Variants in TMEM168 observed in about 807,000 individuals in gnomAD.
TMEM168 encodes the protein transmembrane protein 168.
Under a neutral mutation model 53.2 loss-of-function variants are expected in TMEM168, and 40 were observed. The ratio of observed to expected loss-of-function variants is 0.75; its 90% CI spans 0.58 to 0.98. The LOEUF (loss-of-function observed/expected upper bound fraction) is 0.98. Ranked by LOEUF, TMEM168 falls within the 50% of genes least tolerant of loss-of-function variation. The pLI, the probability that TMEM168 is intolerant of heterozygous loss-of-function variation, is 0.00. For missense variants in TMEM168, 771 were observed against 828.8 expected (o/e 0.93, Z 0.86); for synonymous variants, 282 against 293.0 (o/e 0.96, Z 0.38).
At chr7:112,790,076 G>C (rs1793506112) in intron 1 of TMEM168, 84 bp downstream of exon 1, 1 of 152,298 alleles carries the variant, frequency 6.6e-6, no homozygotes, top group East Asian at 1.9e-4. Flanking sequence ...CGACTGGGCG[G>C]AGCTTGGGGT....
Position 112,784,747 on chromosome 7 carries a change from C to G in TMEM168, c.79G>C (p.Val27Leu), listed in dbSNP as rs1404777067. 3 of 1,612,070 alleles carry G rather than the reference C, an allele frequency of 1.9e-6. No individual in the cohort carries two copies. The African/African-American group carries it at 4.0e-5, about 22-fold the overall frequency. ...MTRLEEVNRE[V>L]NMHSSVRYLG... is the part of the protein sequence containing the mutation. ...TACCGCACTGAAGAATGCATGTTCA[C>G]TTCTCTATTTACTTCTTCCAGTCTT... The change falls in exon 2 of 5, where the codon GTG (valine) becomes CTG (leucine). Residue 27 changes from valine to leucine, a missense_variant. Val to Leu is a conservative substitution (Grantham distance 32). Transcript: ENST00000312814.
chr7:112,786,894 TAG>T (rs767988308), intron 1 of TMEM168, among the ~76,000 whole-genome samples: 1 of 152,130 alleles, frequency 6.6e-6, no homozygotes, highest in Non-Finnish European at 1.5e-5. Flanking sequence ...CTCTGCCTCC[TAG>T]AGAGTCATCA....
rs558258189 is a variant in TMEM168, at chr7:112,765,692, T to C, written c.*1505A>G. ...TAATGACTACCACTTTTAATAAATA[T>C]ACTAAAATATTCAATATTTGCACAT... On this transcript the variant is annotated 3_prime_UTR_variant, in exon 5 of 5. Transcript: ENST00000312814. 4 of 152,620 alleles carry C rather than the reference T, an allele frequency of 2.6e-5. No individual in the cohort carries two copies. The South Asian group carries it at 6.2e-4, about 24-fold the overall frequency. The allele number at this position is 152,620 out of a possible 1,614,324, so 9.5% of individuals were successfully genotyped here.
chr7:112,776,470 A>G (rs999094681), intron 2 of TMEM168, among the ~76,000 whole-genome samples: 2 of 152,112 alleles, frequency 1.3e-5, no homozygotes, highest in East Asian at 3.8e-4. Flanking sequence ...GTGCATGAAC[A>G]CATACTTTTA....
intron 4 of TMEM168, among the ~76,000 whole-genome samples, chr7:112,769,526 T>A (rs929706010): frequency 6.9e-6 from 1 of 144,270 alleles, no homozygotes. Context: ...TCTACCCTAA[T>A]TCTCTTATAT....
Position 112,784,829 on chromosome 7 carries a change from AC to A in TMEM168, c.-5del. The A allele has an allele frequency of 1.3e-6, 2 of 1,556,874 alleles. No homozygotes were observed. The highest frequency in any genetic ancestry group is 1.2e-5 in the South Asian group (1 of 81,086). ...AATAACGCAGTGATTTACACATGTA[AC>A]CAGCAATGTGGGCTTTTCCCTCACG... On this transcript the variant is annotated 5_prime_UTR_variant, in exon 2 of 5. Coordinates refer to ENST00000312814, the MANE Select transcript of TMEM168 (RefSeq NM_022484.6).
At chr7:112,785,512 A>G (rs2116306531) in intron 1 of TMEM168, among the ~76,000 whole-genome samples, 1 of 152,330 alleles carries the variant, frequency 6.6e-6, no homozygotes, top group Admixed American at 6.5e-5. Flanking sequence ...TATTAAAGTT[A>G]CTCAGTCCCT....
Position 112,784,508 on chromosome 7 carries a change from T to C in TMEM168, c.318A>G (p.Leu106=), listed in dbSNP as rs371047973. The C allele has an allele frequency of 4.0e-5, 65 of 1,614,076 alleles. No homozygotes were observed. The highest frequency in any genetic ancestry group is 5.3e-5 in the Non-Finnish European group (63 of 1,179,976). ...TAAAGGATGAATTATCAAGAAAACATAGGAGGCCAAGCAAGAATCCAAACC... is the reference window on the plus strand; with the variant it reads ...TAAAGGATGAATTATCAAGAAAACACAGGAGGCCAAGCAAGAATCCAAACC... The part of the protein sequence containing the change: ...NLWFGFLLGL[L]CFLDNSSFKN... Residue 106 remains leucine (L), a synonymous_variant, in exon 2 of 5, where the codon CTA becomes CTG. Transcript: ENST00000312814.
chr7:112,787,047 G>C (rs6466421), intron 1 of TMEM168, among the ~76,000 whole-genome samples: 1 of 151,908 alleles, frequency 6.6e-6, no homozygotes, highest in East Asian at 1.9e-4. Context: ...GCCTCTTCTA[G>C]AACATCAGAC....
At chr7:112,781,930 G>C (rs140848091) in intron 2 of TMEM168, among the ~76,000 whole-genome samples, 20 of 152,134 alleles carry the variant, frequency 1.3e-4, no homozygotes, top group African/African-American at 4.6e-4. Flanking sequence ...TCAAAAATTT[G>C]TATCATTCAG....
intron 1 of TMEM168, chr7:112,788,635 A>C (rs1163468188): frequency 6.6e-6 from 1 of 152,206 alleles, no homozygotes; most frequent in African/African-American, 2.4e-5. Flanking sequence ...CCAGAGGTAG[A>C]TGAAAATGGA....
At chr7:112,783,262 T>TAC (rs1399681773) in intron 2 of TMEM168, among the ~76,000 whole-genome samples, 1 of 152,216 alleles carries the variant, frequency 6.6e-6, no homozygotes, top group Non-Finnish European at 1.5e-5. Context: ...AGAAACATGT[T>TAC]ACAGTGAGGA....
chr7:112,773,091 A>T, intron 3 of TMEM168, 36 bp from the exon 4 acceptor site: 1 of 1,547,778 alleles, frequency 6.5e-7, no homozygotes, highest in Non-Finnish European at 8.8e-7. Flanking sequence ...TACTCATTCT[A>T]TATCACATTC....
chr7:112,764,181 ACT>A lies in TMEM168; in HGVS notation c.*3014_*3015del, dbSNP rs768903325. The A allele has an allele frequency of 1.3e-5, 2 of 151,628 alleles. No homozygotes were observed. Among genetic ancestry groups the A allele is most frequent in the Admixed American group, 6.6e-5 (1 of 15,234 alleles). The allele number at this position is 151,628 out of a possible 1,614,324, so 9.4% of individuals were successfully genotyped here. A position where few individuals can be genotyped will look rare whatever the true frequency, so the allele number is the denominator to read the frequency against. On this transcript the variant is annotated 3_prime_UTR_variant, in exon 5 of 5. Transcript: ENST00000312814. ...GGTTAAAAAAAGAAAATAAATTCATACTGTTTTTTTTATTCTATTGAAAAAAA... is the reference window on the plus strand; with the variant it reads ...GGTTAAAAAAAGAAAATAAATTCATAGTTTTTTTTATTCTATTGAAAAAAA...
Position 112,767,179 on chromosome 7 carries a change from C to T in TMEM168, c.*18G>A. On this transcript the variant is annotated 3_prime_UTR_variant, in exon 5 of 5. Transcript: ENST00000312814. The stretch of plus-strand genomic sequence containing the variant: ...TGGTAGTATGAGTGCTTATTAATAT[C>T]CCGCTTTGGGGTCCAAATTAAGATT... The T allele has an allele frequency of 4.4e-6, 7 of 1,591,024 alleles. 1 individual carries two copies. In the South Asian group the frequency reaches 8.0e-5, roughly 18 times the overall value.
chr7:112,775,113 T>C (rs1308439965), intron 3 of TMEM168, 63 bp downstream of exon 3: 6 of 1,355,916 alleles, frequency 4.4e-6, no homozygotes, highest in Non-Finnish European at 5.9e-6. Flanking sequence ...ATTTTATTCA[T>C]ATAAATATTA....
At chr7:112,785,957 C>T (rs1793368812) in intron 1 of TMEM168, among the ~76,000 whole-genome samples, 1 of 152,130 alleles carries the variant, frequency 6.6e-6, no homozygotes, top group African/African-American at 2.4e-5. Flanking sequence ...CCTGCAATCC[C>T]AGAACTTTGG....
At chr7:112,774,950 AT>A (rs1020370577) in intron 3 of TMEM168, among the ~76,000 whole-genome samples, 2 of 152,006 alleles carry the variant, frequency 1.3e-5, no homozygotes, top group Non-Finnish European at 2.9e-5. Context: ...ATTCATGAAT[AT>A]TTTCTGGTTT....
Position 112,784,941 on chromosome 7 carries a change from T to C in TMEM168, c.-116A>G. On this transcript the variant is annotated 5_prime_UTR_variant, in exon 2 of 5. Transcript: ENST00000312814. ...TCAACATTTTCTCTTGTGGAAATTT[T>C]GTTTATAGTGATCTAAAAAGAAGAA... 1 of 867,162 alleles carries C rather than the reference T, an allele frequency of 1.2e-6. No homozygotes were observed. The highest frequency in any genetic ancestry group is 1.6e-6 in the Non-Finnish European group (1 of 621,926). 53.7% of individuals were successfully genotyped at this position (867,162 alleles called of 1,614,324 possible).
Sources: gnomAD v4.1 joint callset for allele counts (sites outside exome capture counted in the v4.1 genomes callset) on GRCh38, gnomAD v4.1.1 for gene constraint, MANE v1.5 for transcripts, NCBI Gene and HGNC (gene_info 2026-07-23, HGNC 2026-07-21) for gene names.